SPAG16: variants seen among roughly 807,000 people sequenced by gnomAD.
SPAG16 encodes the protein sperm-associated antigen 16 protein.
In SPAG16, 86 loss-of-function variants were observed where a neutral mutation model predicts 80.4. The observed-to-expected ratio is 1.07, with a 90% CI of 0.90 to 1.28. The LOEUF (loss-of-function observed/expected upper bound fraction) is 1.28, where lower values mean the gene tolerates loss of function less well. Ranked by LOEUF, SPAG16 falls within the 50% of genes most tolerant of loss-of-function variation. SPAG16 has a pLI of 0.00. For synonymous variants in SPAG16, 294 were observed against 265.9 expected, an observed-to-expected ratio of 1.11 and a Z score of -1.03; for missense variants, 870 against 765.3, an observed-to-expected ratio of 1.14 and a Z score of -1.61.
At chr2:213,351,922 C>G (rs535197938) in intron 7 of SPAG16, among the ~76,000 whole-genome samples, 1 of 152,094 alleles carries the variant, frequency 6.6e-6, no homozygotes, top group African/African-American at 2.4e-5. Flanking sequence ...ATCATCCCCA[C>G]GTGTCAAGGG....
chr2:213,348,811 T>G (rs1055654302), intron 6 of SPAG16, among the ~76,000 whole-genome samples: 55 of 152,204 alleles, frequency 3.6e-4, no homozygotes, highest in African/African-American at 1.3e-3. Context: ...GCCCTTAACA[T>G]TTTTTCCTTC....
chr2:213,469,257 C>A (rs2125649368), intron 9 of SPAG16, among the ~76,000 whole-genome samples: 1 of 152,186 alleles, frequency 6.6e-6, no homozygotes, highest in East Asian at 1.9e-4. Flanking sequence ...TAAAACTATC[C>A]TTTGTACATC....
At chr2:213,992,629 G>C (rs916049007) in intron 12 of SPAG16, among the ~76,000 whole-genome samples, 7 of 152,060 alleles carry the variant, frequency 4.6e-5, no homozygotes, top group Admixed American at 4.6e-4. Flanking sequence ...AAGGATTACT[G>C]TTTGAAGAAA....
chr2:214,142,730 A>C (rs994444995), intron 14 of SPAG16, among the ~76,000 whole-genome samples: 1 of 152,148 alleles, frequency 6.6e-6, no homozygotes, highest in Non-Finnish European at 1.5e-5. Flanking sequence ...CAGAGTCCTT[A>C]AATGTATAGA....
intron 10 of SPAG16, among the ~76,000 whole-genome samples, chr2:213,726,278 G>C (rs761848570): frequency 3.3e-5 from 5 of 152,192 alleles, no homozygotes; most frequent in Non-Finnish European, 7.3e-5. Context: ...TCAGGGATGT[G>C]TCCTGCACTG....
intron 15 of SPAG16, among the ~76,000 whole-genome samples, chr2:214,221,629 T>C (rs544485482): frequency 3.9e-5 from 6 of 152,148 alleles, no homozygotes; most frequent in Non-Finnish European, 8.8e-5. Flanking sequence ...TGCATCTCTT[T>C]AGCTTTTGAC....
At chr2:213,338,673 T>C (rs895087736) in intron 5 of SPAG16, among the ~76,000 whole-genome samples, 5 of 152,210 alleles carry the variant, frequency 3.3e-5, no homozygotes, top group African/African-American at 1.2e-4. Context: ...CATGAAATAC[T>C]ATGCAGCCAT....
At chr2:214,202,805 G>A (rs1228592297) in intron 15 of SPAG16, among the ~76,000 whole-genome samples, 4 of 152,128 alleles carry the variant, frequency 2.6e-5, no homozygotes, top group Non-Finnish European at 4.4e-5. Context: ...CCAAACAAAC[G>A]TATTCAAATA....
At chr2:214,194,562 AT>A (rs1440237475) in intron 15 of SPAG16, among the ~76,000 whole-genome samples, 1 of 152,072 alleles carries the variant, frequency 6.6e-6, no homozygotes, top group Non-Finnish European at 1.5e-5. Flanking sequence ...CATAAGACAT[AT>A]TTGTGCACAT....
chr2:213,621,615 G>C (rs2061789202), intron 10 of SPAG16, among the ~76,000 whole-genome samples: 2 of 152,240 alleles, frequency 1.3e-5, no homozygotes, highest in African/African-American at 4.8e-5. Flanking sequence ...ATATGACCAG[G>C]GAGAATTAAT....
intron 9 of SPAG16, among the ~76,000 whole-genome samples, chr2:213,409,075 G>T (rs148056988): frequency 4.7e-4 from 71 of 150,982 alleles, no homozygotes; most frequent in Middle Eastern, 3.5e-3. Flanking sequence ...ACATAAAAAG[G>T]AATGTTCCAT....
intron 12 of SPAG16, among the ~76,000 whole-genome samples, chr2:213,981,086 C>T (rs574476496): frequency 2.7e-4 from 41 of 152,220 alleles, no homozygotes; most frequent in South Asian, 1.7e-3. Flanking sequence ...AGCTGACTCA[C>T]TTCTTGTTGA....
chr2:213,742,645 G>A (rs1299113801), intron 10 of SPAG16, among the ~76,000 whole-genome samples: 6 of 144,276 alleles, frequency 4.2e-5, no homozygotes, highest in African/African-American at 5.1e-5. Flanking sequence ...TCCACCTCCC[G>A]GGTGCAAGCA....
At chr2:213,670,077 A>C (rs112838093) in intron 10 of SPAG16, among the ~76,000 whole-genome samples, 139 of 151,784 alleles carry the variant, frequency 9.2e-4, no homozygotes, top group Middle Eastern at 3.4e-3. Context: ...ACCTCACTGC[A>C]AACTCTGCCT....
intron 10 of SPAG16, among the ~76,000 whole-genome samples, chr2:213,535,698 G>A (rs2076218051): frequency 1.3e-5 from 2 of 152,032 alleles, no homozygotes; most frequent in Admixed American, 6.6e-5. Flanking sequence ...ATGAGTGCAG[G>A]TATGTGTAAA....
chr2:213,756,411 C>A (rs1268913846), intron 10 of SPAG16, among the ~76,000 whole-genome samples: 1 of 152,164 alleles, frequency 6.6e-6, no homozygotes, highest in African/African-American at 2.4e-5. Flanking sequence ...ATTGCTTGAA[C>A]CTAGGAGGCA....
At chr2:213,925,048 C>T (rs4673797) in intron 11 of SPAG16, among the ~76,000 whole-genome samples, 52,271 of 151,850 alleles carry the variant, frequency 0.34, 9,476 homozygotes, top group South Asian at 0.47. Flanking sequence ...TTTTACCATG[C>T]TGACTGAATT....
chr2:213,975,574 A>C (rs72934031), intron 12 of SPAG16, among the ~76,000 whole-genome samples: 4,333 of 152,074 alleles, frequency 0.028, 95 homozygotes, highest in Non-Finnish European at 0.046. Context: ...AATTAAGTAA[A>C]ATAGAAAAGA....
intron 10 of SPAG16, among the ~76,000 whole-genome samples, chr2:213,623,462 T>A (rs2061855488): frequency 6.6e-6 from 1 of 152,186 alleles, no homozygotes; most frequent in Non-Finnish European, 1.5e-5. Flanking sequence ...GTAGTCAGGA[T>A]TTTCTTTTTA....
Sources: allele counts gnomAD v4.1 joint callset (sites outside exome capture counted in the v4.1 genomes callset), GRCh38; gene constraint gnomAD v4.1.1; transcripts MANE v1.5; gene names NCBI Gene and HGNC (gene_info 2026-07-23, HGNC 2026-07-21).